TTC28: variants seen among roughly 807,000 people sequenced by gnomAD.
TTC28 encodes tetratricopeptide repeat domain 28, also known as tetratricopeptide repeat protein 28.
Under a neutral mutation model 198.0 loss-of-function variants are expected in TTC28, and 61 were observed. That is an observed-to-expected ratio of 0.31 (90% CI 0.25 to 0.38). TTC28 has a LOEUF of 0.38. Among genes scored for constraint, TTC28 ranks in the 10% least tolerant of loss-of-function variants. The pLI is 1.00. For synonymous variants in TTC28, 1,171 were observed against 1,297.8 expected (o/e 0.90, Z 2.10); for missense variants, 2,678 against 3,164.0 (o/e 0.85, Z 3.69).
chr22:28,109,692 G>C (rs1350306146), intron 6 of TTC28, among the ~76,000 whole-genome samples: 1 of 152,222 alleles, frequency 6.6e-6, no homozygotes, highest in Non-Finnish European at 1.5e-5. Context: ...GCTTTAAGGA[G>C]AGCTTCGTCC....
chr22:28,039,005 A>G (rs918259408), intron 12 of TTC28, among the ~76,000 whole-genome samples: 116 of 152,346 alleles, frequency 7.6e-4, no homozygotes, highest in African/African-American at 2.7e-3. Flanking sequence ...GCGATCATCA[A>G]AAAGTCAGGA....
chr22:28,169,460 G>A (rs1601420999), intron 5 of TTC28, among the ~76,000 whole-genome samples: 2 of 152,128 alleles, frequency 1.3e-5, no homozygotes, highest in African/African-American at 4.8e-5. Flanking sequence ...AGAAAATGTG[G>A]CACATATACA....
chr22:28,646,569 T>C (rs1208880755), intron 1 of TTC28, among the ~76,000 whole-genome samples: 1 of 152,152 alleles, frequency 6.6e-6, no homozygotes, highest in Non-Finnish European at 1.5e-5. Context: ...AATATTCTTA[T>C]GAAATCGACA....
At chr22:28,548,458 T>C (rs77217997) in intron 2 of TTC28, among the ~76,000 whole-genome samples, 2 of 152,182 alleles carry the variant, frequency 1.3e-5, no homozygotes, top group Non-Finnish European at 2.9e-5. Context: ...ACATTTTTTT[T>C]AATCTAACAT....
intron 2 of TTC28, among the ~76,000 whole-genome samples, chr22:28,369,168 A>G (rs1372787824): frequency 6.6e-6 from 1 of 152,186 alleles, no homozygotes; most frequent in Non-Finnish European, 1.5e-5. Context: ...GGAATCACAT[A>G]CCAGACTTCA....
intron 5 of TTC28, among the ~76,000 whole-genome samples, chr22:28,282,943 T>C (rs1410635211): frequency 6.6e-6 from 1 of 152,184 alleles, no homozygotes; most frequent in Non-Finnish European, 1.5e-5. Flanking sequence ...CAATTTCTTT[T>C]GAGGTGGTAA....
chr22:28,163,529 G>C lies in TTC28; in HGVS notation c.1004C>G (p.Ala335Gly). ...AAGAAGAACACACTGTTTGTGACTG[G>C]CCAGTGCATTGGGGTAGTCTCCAAT... The part of the protein sequence containing the change: ...TAIGDYPNAL[A>G]SHKQCVLLAK... Residue 335 changes from alanine to glycine, a missense_variant, in exon 6 of 23, where the codon GCC becomes GGC. Ala to Gly is a moderately conservative substitution (Grantham distance 60). Around this residue, in one of 8 missense-constraint regions of TTC28, gnomAD observed 775 missense variants for 845.9 expected, o/e 0.92. Coordinates refer to ENST00000397906, the MANE Select transcript of TTC28 (RefSeq NM_001145418.2). 6.4e-7 allele frequency: 1 copy of C among 1,551,702 alleles called. No homozygotes were observed.
chr22:28,377,314 C>T (rs2046427988), intron 2 of TTC28, among the ~76,000 whole-genome samples: 1 of 148,920 alleles, frequency 6.7e-6, no homozygotes, highest in East Asian at 2.0e-4. Context: ...TTCCTGGGCT[C>T]AAGCAATCCT....
At chr22:28,280,441 C>T (rs915781082) in intron 5 of TTC28, among the ~76,000 whole-genome samples, 6 of 152,142 alleles carry the variant, frequency 3.9e-5, no homozygotes, top group South Asian at 2.1e-4. Flanking sequence ...TGGGTTCAAG[C>T]GATTCTCCTG....
intron 2 of TTC28, among the ~76,000 whole-genome samples, chr22:28,609,266 T>TA (rs2050780814): frequency 6.6e-6 from 1 of 152,150 alleles, no homozygotes; most frequent in Admixed American, 6.5e-5. Flanking sequence ...AAATACATAA[T>TA]AAAAAATTCA....
chr22:28,654,132 T>G (rs1217922332), intron 1 of TTC28, among the ~76,000 whole-genome samples: 1 of 152,148 alleles, frequency 6.6e-6, no homozygotes, highest in Non-Finnish European at 1.5e-5. Context: ...TTGTCTTTGA[T>G]AAGCTGTAGC....
chr22:28,221,285 T>C (rs1395012838), intron 5 of TTC28, among the ~76,000 whole-genome samples: 1 of 152,030 alleles, frequency 6.6e-6, no homozygotes, highest in South Asian at 2.1e-4. Flanking sequence ...AGAACAAGGA[T>C]AGAGTGAGGG....
At chr22:28,310,175 A>ACACACACACACACAC (rs66509137) in intron 2 of TTC28, among the ~76,000 whole-genome samples, 25 of 123,646 alleles carry the variant, frequency 2.0e-4, no homozygotes, top group South Asian at 3.0e-4. Context: ...CACACACACA[A>ACACACACACACACAC]AAAACAAGAC....
chr22:28,328,283 A>T (rs771257288), intron 2 of TTC28, among the ~76,000 whole-genome samples: 1 of 151,896 alleles, frequency 6.6e-6, no homozygotes, highest in Non-Finnish European at 1.5e-5. Context: ...AAATATAATG[A>T]TTTAAAAAAA....
At chr22:27,997,529 A>C (rs979977159) in intron 16 of TTC28, 1 of 152,232 alleles carries the variant, frequency 6.6e-6, no homozygotes, top group Non-Finnish European at 1.5e-5. Flanking sequence ...CAGCAATATC[A>C]GGATGTGTCA....
chr22:28,282,387 A>T (rs931929573), intron 5 of TTC28, among the ~76,000 whole-genome samples: 1 of 152,232 alleles, frequency 6.6e-6, no homozygotes, highest in Non-Finnish European at 1.5e-5. Flanking sequence ...GTCAATGTAC[A>T]AAAGACTCTG....
At chr22:28,675,735 TCACACACACACACACACA>T (rs71316854) in intron 1 of TTC28, among the ~76,000 whole-genome samples, 2 of 135,118 alleles carry the variant, frequency 1.5e-5, no homozygotes, top group Non-Finnish European at 3.2e-5. Context: ...TGAAACCCTG[TCACACACACACACACACA>T]CACACACACA....
rs189029016 is a variant in TTC28, at chr22:28,191,741, G to A, written c.934-28142C>T. The stretch of plus-strand genomic sequence containing the variant: ...TTGCAAGGTGGAAGCGAGGCTGGGG[G>A]AGGGGTGCCTGACATTGCCCAGGCT... On this transcript the variant is annotated intron_variant, in intron 5 of 22. Coordinates refer to ENST00000397906, the MANE Select transcript of TTC28 (RefSeq NM_001145418.2). Among the ~76,000 whole-genome samples the A allele has an allele frequency of 1.8e-4, 28 of 152,328 alleles. 2 individuals carry two copies. The highest frequency in any genetic ancestry group is 1.0e-3 in the South Asian group (5 of 4,826).
chr22:28,046,213 T>C (rs1939856516), intron 12 of TTC28, among the ~76,000 whole-genome samples: 1 of 152,200 alleles, frequency 6.6e-6, no homozygotes, highest in South Asian at 2.1e-4. Flanking sequence ...GAAAGTAAAA[T>C]ATACTTGTGG....
Sources: gnomAD v4.1 joint callset for allele counts (sites outside exome capture counted in the v4.1 genomes callset) on GRCh38, gnomAD v4.1.1 for gene constraint, gnomAD v4.1.1 regional missense constraint, MANE v1.5 for transcripts, NCBI Gene and HGNC (gene_info 2026-07-23, HGNC 2026-07-21) for gene names.